The following RPRD2 variants were observed in gnomAD, a reference collection of about 807,000 sequenced individuals.
RPRD2 encodes regulation of nuclear pre-mRNA domain-containing protein 2.
Under a neutral mutation model 104.4 loss-of-function variants are expected in RPRD2, and 12 were observed. That is an observed-to-expected ratio of 0.11 (90% CI 0.07 to 0.19). The LOEUF (loss-of-function observed/expected upper bound fraction) is 0.19. Ranked by LOEUF, RPRD2 falls within the 10% of genes least tolerant of loss-of-function variation. The pLI is 1.00. For missense variants in RPRD2, 1,543 were observed against 1,790.1 expected, an observed-to-expected ratio of 0.86 and a Z score of 2.49; for synonymous variants, 714 against 684.9, an observed-to-expected ratio of 1.04 and a Z score of -0.66.
chr1:150,473,173 C>G lies in RPRD2; in HGVS notation c.4225C>G (p.Arg1409Gly). 1 of 1,613,984 alleles carries G rather than the reference C, an allele frequency of 6.2e-7. No individual in the cohort carries two copies. Among genetic ancestry groups the G allele is most frequent in the African/African-American group, 1.3e-5 (1 of 75,050 alleles). Reference sequence around the variant, plus strand: ...TCCCTCACACAGAGACACCATCAGCCGGAGTGGTATAATCTTACGGAGTCC... The same window carrying G: ...TCCCTCACACAGAGACACCATCAGCGGGAGTGGTATAATCTTACGGAGTCC... ...LGPSHRDTIS[R>G]SGIILRSPRP... The change falls in exon 11 of 11, where the codon CGG (arginine) becomes GGG (glycine). Residue 1409 changes from arginine to glycine, a missense_variant. Transcript: ENST00000369068.
At chr1:150,433,569 C>G (rs113508744) in intron 2 of RPRD2, among the ~76,000 whole-genome samples, 2 of 147,968 alleles carry the variant, frequency 1.4e-5, no homozygotes, top group African/African-American at 2.5e-5. Context: ...CTCAGCCTCC[C>G]GAGTAGCTGG....
intron 9 of RPRD2, among the ~76,000 whole-genome samples, 152 bp downstream of exon 9, chr1:150,460,469 T>C (rs1667855140): frequency 6.6e-6 from 1 of 152,064 alleles, no homozygotes; most frequent in Non-Finnish European, 1.5e-5. Context: ...AGTGGTGCAA[T>C]CTTGGCTCAC....
At chr1:150,378,979 TAAAAAAA>T (rs782457070) in intron 1 of RPRD2, among the ~76,000 whole-genome samples, 7 of 84,040 alleles carry the variant, frequency 8.3e-5, no homozygotes, top group African/African-American at 3.3e-4. Flanking sequence ...GAGACTTCAT[TAAAAAAA>T]AAAAAAAAAA....
In RPRD2 at chr1:150,460,156, C is replaced by A. The variant is rs1323899717; in HGVS notation, c.1250C>A (p.Thr417Asn). The change falls in exon 9 of 11, where the codon ACC (threonine) becomes AAC (asparagine). Residue 417 changes from threonine to asparagine, a missense_variant. Coordinates refer to ENST00000369068, the MANE Select transcript of RPRD2 (RefSeq NM_015203.5). ...AATATCTCAAAGGCCTCTTCATGTA[C>A]CCCAGTGCCTGTGACCATGACAGCA... ...TENISKASSC[T>N]PVPVTMTATP... 3 of 1,613,830 alleles carry A rather than the reference C, an allele frequency of 1.9e-6. No individual in the cohort carries two copies. In the African/African-American group the frequency reaches 4.0e-5, roughly 22 times the overall value.
intron 1 of RPRD2, among the ~76,000 whole-genome samples, chr1:150,414,639 G>A (rs141459136): frequency 8.1e-5 from 12 of 147,504 alleles, no homozygotes; most frequent in African/African-American, 2.3e-4. Context: ...TATTCTGCGC[G>A]CCAAAGCTAT....
intron 1 of RPRD2, among the ~76,000 whole-genome samples, chr1:150,395,399 G>GTA (rs1560166002): frequency 6.6e-6 from 1 of 151,576 alleles, no homozygotes; most frequent in Admixed American, 6.6e-5. Context: ...GTGTGTGTGT[G>GTA]TATACACATC....
At chr1:150,465,497 T>C (rs1345300382) in intron 10 of RPRD2, among the ~76,000 whole-genome samples, 1 of 152,176 alleles carries the variant, frequency 6.6e-6, no homozygotes, top group Non-Finnish European at 1.5e-5. Flanking sequence ...CTAAGTATTA[T>C]CTAGTCTAAT....
At chr1:150,419,916 A>C (rs112490454) in intron 2 of RPRD2, among the ~76,000 whole-genome samples, 1 of 152,032 alleles carries the variant, frequency 6.6e-6, no homozygotes, top group Non-Finnish European at 1.5e-5. Context: ...GAGTGAGCCA[A>C]CGCACCTGGC....
At chr1:150,440,258 C>T (rs782557545) in intron 2 of RPRD2, among the ~76,000 whole-genome samples, 8 of 152,058 alleles carry the variant, frequency 5.3e-5, no homozygotes, top group Non-Finnish European at 8.8e-5. Flanking sequence ...CCATCCACTA[C>T]GGCCTCCCAC....
intron 6 of RPRD2, among the ~76,000 whole-genome samples, chr1:150,444,649 T>C (rs1199600523): frequency 2.0e-5 from 3 of 152,236 alleles, no homozygotes; most frequent in African/African-American, 4.8e-5. Context: ...TTTAATGAAG[T>C]CACTCTAATG....
intron 1 of RPRD2, among the ~76,000 whole-genome samples, chr1:150,417,042 G>T (rs1664398979): frequency 6.6e-6 from 1 of 152,156 alleles, no homozygotes; most frequent in African/African-American, 2.4e-5. Flanking sequence ...TGGATTGGTT[G>T]ATGGGGAGAG....
In RPRD2 at chr1:150,471,046, C is replaced by G; in HGVS notation, c.2098C>G (p.Pro700Ala). 6.2e-7 allele frequency: 1 copy of G among 1,613,950 alleles called. No individual in the cohort carries two copies. Among genetic ancestry groups the G allele is most frequent in the Non-Finnish European group, 8.5e-7 (1 of 1,179,884 alleles). Residue 700 changes from proline (P) to alanine (A), a missense_variant, in exon 11 of 11, where the codon CCA (proline) becomes GCA (alanine). Pro to Ala is a conservative substitution (Grantham distance 27). Around this residue, in one of 4 missense-constraint regions of RPRD2, gnomAD observed 572 missense variants for 787.3 expected, o/e 0.73. Coordinates refer to ENST00000369068, the MANE Select transcript of RPRD2 (RefSeq NM_015203.5). This position sits in a 1 kb window ranked among gnomAD's most constrained non-coding sequence, Gnocchi z 5.3. ...PILSSLGSSAPSESHPSDFQR... is the reference protein window; with the variant it reads ...PILSSLGSSAASESHPSDFQR... ...CCTGAGCAGTTTGGGGTCCAGCGCCCCATCAGAGAGCCATCCCTCAGACTT... is the reference window on the plus strand; with the variant it reads ...CCTGAGCAGTTTGGGGTCCAGCGCCGCATCAGAGAGCCATCCCTCAGACTT...
intron 1 of RPRD2, among the ~76,000 whole-genome samples, chr1:150,411,813 A>C (rs1214627110): frequency 6.8e-6 from 1 of 146,294 alleles, no homozygotes; most frequent in African/African-American, 2.5e-5. Flanking sequence ...AAAAAAAAAA[A>C]AAACGAAACA....
chr1:150,452,958 C>T (rs1451256394), intron 7 of RPRD2, among the ~76,000 whole-genome samples: 1 of 151,914 alleles, frequency 6.6e-6, no homozygotes, highest in East Asian at 1.9e-4. Context: ...GCGTGAGCCA[C>T]TGGCACCACT....
intron 1 of RPRD2, among the ~76,000 whole-genome samples, chr1:150,371,615 C>T (rs1327838129): frequency 6.6e-6 from 1 of 152,138 alleles, no homozygotes; most frequent in South Asian, 2.1e-4. Flanking sequence ...GTGATCCGCC[C>T]GTCTTGGCCT....
At chr1:150,422,370 ATAAAAT>A (rs1560189145) in intron 2 of RPRD2, among the ~76,000 whole-genome samples, 1 of 57,878 alleles carries the variant, frequency 1.7e-5, no homozygotes, top group African/African-American at 5.8e-5. Flanking sequence ...ATAATAATAA[ATAAAAT>A]TAAAATAAAA....
intron 8 of RPRD2, among the ~76,000 whole-genome samples, chr1:150,458,867 C>T (rs1431537617): frequency 6.6e-6 from 1 of 152,142 alleles, no homozygotes; most frequent in Non-Finnish European, 1.5e-5. Flanking sequence ...TGGTCTCGAA[C>T]TCCTGACCTC....
intron 1 of RPRD2, chr1:150,409,084 C>T (rs1404245439): frequency 2.6e-5 from 4 of 152,158 alleles, no homozygotes; most frequent in African/African-American, 9.7e-5. Flanking sequence ...TTATCTAACC[C>T]GTCTCCTACC....
At chr1:150,425,153 G>A (rs1339992155) in intron 2 of RPRD2, among the ~76,000 whole-genome samples, 1 of 152,114 alleles carries the variant, frequency 6.6e-6, no homozygotes, top group Non-Finnish European at 1.5e-5. Context: ...TTCATAAAGT[G>A]TGGAAACTAA....
Sources: allele counts gnomAD v4.1 joint callset (sites outside exome capture counted in the v4.1 genomes callset), GRCh38; gene constraint gnomAD v4.1.1; regional missense constraint gnomAD v4.1.1; non-coding constraint Gnocchi (gnomAD v3.1); transcripts MANE v1.5; gene names NCBI Gene and HGNC (gene_info 2026-07-23, HGNC 2026-07-21).